MOCS2: variants seen among roughly 807,000 people sequenced by gnomAD.
The protein encoded by MOCS2 is molybdenum cofactor synthesis 2, also known as molybdopterin synthase catalytic subunit.
A neutral mutation model predicts 21.9 loss-of-function variants in MOCS2; 13 were observed. The ratio of observed to expected loss-of-function variants is 0.59; its 90% confidence interval spans 0.39 to 0.94. The LOEUF is 0.94. MOCS2 is among the 40% of genes least tolerant of loss of function. The pLI, the probability that MOCS2 is intolerant of heterozygous loss-of-function variation, is 0.00. For synonymous variants in MOCS2, 92 were observed against 80.8 expected, an observed-to-expected ratio of 1.14 and a Z score of -0.74; for missense variants, 227 against 218.3, an observed-to-expected ratio of 1.04 and a Z score of -0.25.
chr5:53,100,726 T>A (rs935229235), intron 5 of MOCS2, 192 bp from the exon 6 acceptor site: 1 of 585,912 alleles, frequency 1.7e-6, no homozygotes, highest in African/African-American at 1.9e-5. Context: ...TAGATGAGGC[T>A]GATGCTACAG....
chr5:53,104,219 C>T (rs1242092252), intron 3 of MOCS2, among the ~76,000 whole-genome samples: 3 of 152,228 alleles, frequency 2.0e-5, no homozygotes, highest in East Asian at 1.9e-4. Context: ...CTACACAAGC[C>T]GCCTAAGTGT....
chr5:53,097,252 G>T lies in MOCS2; in HGVS notation c.*1350C>A, dbSNP rs1740767113. On this transcript the variant is annotated 3_prime_UTR_variant, in exon 7 of 7. Coordinates refer to ENST00000396954, the MANE Select transcript of MOCS2 (RefSeq NM_004531.5). ...ACCAGGTGATTCCTAAAGTCAGTGT[G>T]GCTGTCCTATGGGTCCCAGCCACAG... The T allele has an allele frequency of 6.6e-6, 1 of 152,276 alleles. No individual in the cohort carries two copies. The highest frequency in any genetic ancestry group is 6.5e-5 in the Admixed American group (1 of 15,298). The allele number at this position is 152,276 out of a possible 1,614,324, so 9.4% of individuals were successfully genotyped here.
chr5:53,096,920 G>A lies in MOCS2; in HGVS notation c.*1682C>T, dbSNP rs1251228166. On this transcript the variant is annotated 3_prime_UTR_variant, in exon 7 of 7. Coordinates refer to ENST00000396954, the MANE Select transcript of MOCS2 (RefSeq NM_004531.5). ...AAATCCACATATACCTATCAACATT[G>A]CATATGACATAACATCCATTTAACA... 2.6e-5 allele frequency: 4 copies of A among 152,250 alleles called. No homozygotes were observed. Among genetic ancestry groups the A allele is most frequent in the African/African-American group, 9.6e-5 (4 of 41,536 alleles). The allele number at this position is 152,250 out of a possible 1,614,324, so 9.4% of individuals were successfully genotyped here.
At position 53,108,614 on chromosome 5, in the gene MOCS2, A is replaced by G. The variant is rs748961784; in HGVS notation, c.-140T>C. ...TCTCTGAACGAACTCCTGTTATTTCAGCACTTTTTGCAAAATACAATACTT... is the reference window on the plus strand; with the variant it reads ...TCTCTGAACGAACTCCTGTTATTTCGGCACTTTTTGCAAAATACAATACTT... On this transcript the variant is annotated 5_prime_UTR_variant, in exon 2 of 7. Transcript: ENST00000396954. 1.9e-6 allele frequency: 3 copies of G among 1,613,682 alleles called. No homozygotes were observed.
At chr5:53,106,081 G>A (rs1413387811) in intron 3 of MOCS2, among the ~76,000 whole-genome samples, 1 of 151,864 alleles carries the variant, frequency 6.6e-6, no homozygotes, top group African/African-American at 2.4e-5. Flanking sequence ...TGGCGAGGAC[G>A]TGAAGAAAAA....
chr5:53,101,312 T>C (rs1371253855), intron 5 of MOCS2, 47 bp downstream of exon 5: 2 of 1,557,302 alleles, frequency 1.3e-6, no homozygotes, highest in South Asian at 1.1e-5. Context: ...AGTACAAAGA[T>C]GGAAAACAAT....
intron 1 of MOCS2, 91 bp from the exon 2 acceptor site, chr5:53,108,734 C>G (rs767671634): frequency 7.6e-7 from 1 of 1,323,550 alleles, no homozygotes; most frequent in Non-Finnish European, 1.0e-6. Flanking sequence ...AAATGTATTG[C>G]TTTAATCAAA....
Position 53,109,515 on chromosome 5 carries a change from C to G in MOCS2, c.-434G>C. On this transcript the variant is annotated 5_prime_UTR_variant, in exon 1 of 7. Transcript: ENST00000396954. ...GGAGAGGACCCGACTTCTGCTGGGG[C>G]AGTCGCAGTAAAGCCCGGAGACAGG... 7.3e-7 allele frequency: 1 copy of G among 1,364,840 alleles called. No homozygotes were observed. Among genetic ancestry groups the G allele is most frequent in the Non-Finnish European group, 9.4e-7 (1 of 1,061,368 alleles). The allele number at this position is 1,364,840 out of a possible 1,614,324, so 84.5% of individuals were successfully genotyped here.
At position 53,096,279 on chromosome 5, in the gene MOCS2, AAAAT is replaced by A. The variant is rs1483996047; in HGVS notation, c.*2319_*2322del. Reference sequence around the variant, plus strand: ...CTCTATACATCATATCCAAAGGACAAAAATGTCCACAAAATAAGTCACTCATTGA... The same window carrying A: ...CTCTATACATCATATCCAAAGGACAAGTCCACAAAATAAGTCACTCATTGA... On this transcript the variant is annotated 3_prime_UTR_variant, in exon 7 of 7. Coordinates refer to ENST00000396954, the MANE Select transcript of MOCS2 (RefSeq NM_004531.5). The A allele has an allele frequency of 3.9e-5, 6 of 152,258 alleles. No individual in the cohort carries two copies. Among genetic ancestry groups the A allele is most frequent in the African/African-American group, 1.4e-4 (6 of 41,460 alleles). 9.4% of individuals were successfully genotyped at this position (152,258 alleles called of 1,614,324 possible). A position where few individuals can be genotyped will look rare whatever the true frequency, so the allele number is the denominator to read the frequency against.
In MOCS2 at chr5:53,109,718, C is replaced by T; in HGVS notation, c.-637G>A. On this transcript the variant is annotated 5_prime_UTR_variant, in exon 1 of 7. It adds an upstream start codon to the 5' untranslated region. Coordinates refer to ENST00000396954, the MANE Select transcript of MOCS2 (RefSeq NM_004531.5). The stretch of plus-strand genomic sequence containing the variant: ...GCACACCCGCCACCCTTACCTGGCA[C>T]AGCGGCACCATCCCGCCTAGGACAG... The T allele has an allele frequency of 6.4e-7, 1 of 1,552,440 alleles. No homozygotes were observed. Among genetic ancestry groups the T allele is most frequent in the Non-Finnish European group, 8.7e-7 (1 of 1,147,976 alleles).
chr5:53,101,492 A>C lies in MOCS2; in HGVS notation c.244T>G (p.Phe82Val), dbSNP rs1579932680. 6.2e-7 allele frequency: 1 copy of C among 1,606,920 alleles called. No individual in the cohort carries two copies. Among genetic ancestry groups the C allele is most frequent in the East Asian group, 2.2e-5 (1 of 44,774 alleles). ...AAGCTAATGACTTTTTTCCCTTCAA[A>C]GTTATTTCTTGTAGTCCCTTTAAAA... ...SLFVGTTRNN[F>V]EGKKVISLEY... is the part of the protein sequence containing the mutation. Residue 82 changes from phenylalanine (F) to valine (V), a missense_variant, in exon 5 of 7, where the codon TTT becomes GTT. Coordinates refer to ENST00000396954, the MANE Select transcript of MOCS2 (RefSeq NM_004531.5).
In MOCS2 at chr5:53,101,446, G is replaced by A. The variant is rs757573455; in HGVS notation, c.290C>T (p.Pro97Leu). 6.2e-7 allele frequency: 1 copy of A among 1,612,530 alleles called. No individual in the cohort carries two copies. The highest frequency in any genetic ancestry group is 2.2e-5 in the East Asian group (1 of 44,832). Reference sequence around the variant, plus strand: ...CTTTCTGACTTCATTTTCCGCCATGGGTAGATATGCTTCATATTCTAAGCT... The same window carrying A: ...CTTTCTGACTTCATTTTCCGCCATGAGTAGATATGCTTCATATTCTAAGCT... ...VISLEYEAYL[P>L]MAENEVRKIC... Residue 97 changes from proline to leucine, a missense_variant, in exon 5 of 7, where the codon CCC (proline) becomes CTC (leucine). Pro to Leu is a moderately conservative substitution (Grantham distance 98). Coordinates refer to ENST00000396954, the MANE Select transcript of MOCS2 (RefSeq NM_004531.5).
At position 53,101,439 on chromosome 5, in the gene MOCS2, C is replaced by T. The variant is rs773762929; in HGVS notation, c.297G>A (p.Ala99=). The change falls in exon 5 of 7, where the codon GCG becomes GCA. Residue 99 remains alanine, a synonymous_variant. Transcript: ENST00000396954. Reference sequence around the variant, plus strand: ...TACAAATCTTTCTGACTTCATTTTCCGCCATGGGTAGATATGCTTCATATT... The same window carrying T: ...TACAAATCTTTCTGACTTCATTTTCTGCCATGGGTAGATATGCTTCATATT... ...SLEYEAYLPM[A]ENEVRKICSD... The T allele has an allele frequency of 1.8e-5, 29 of 1,613,096 alleles. No individual in the cohort carries two copies. The highest frequency in any genetic ancestry group is 4.5e-5 in the East Asian group (2 of 44,854).
Position 53,096,258 on chromosome 5 carries a change from ATAC to A in MOCS2, c.*2341_*2343del, listed in dbSNP as rs1740728648. On this transcript the variant is annotated 3_prime_UTR_variant, in exon 7 of 7. Transcript: ENST00000396954. Reference sequence around the variant, plus strand: ...AAGGCTGAAAATATATTGTGACTCTATACATCATATCCAAAGGACAAAAATGTC... The same window carrying A: ...AAGGCTGAAAATATATTGTGACTCTAATCATATCCAAAGGACAAAAATGTC... 6.6e-6 allele frequency: 1 copy of A among 152,222 alleles called. No homozygotes were observed. The highest frequency in any genetic ancestry group is 1.5e-5 in the Non-Finnish European group (1 of 68,034). The allele number at this position is 152,222 out of a possible 1,614,324, so 9.4% of individuals were successfully genotyped here.
chr5:53,105,085 A>C (rs1007807996), intron 3 of MOCS2, among the ~76,000 whole-genome samples: 3 of 152,186 alleles, frequency 2.0e-5, no homozygotes, highest in African/African-American at 7.2e-5. Flanking sequence ...CAGCCATAAC[A>C]ATAAAGCTAT....
intron 4 of MOCS2, 127 bp from the exon 5 acceptor site, chr5:53,101,636 A>G (rs998563536): frequency 1.4e-6 from 1 of 734,736 alleles, no homozygotes; most frequent in African/African-American, 1.8e-5. Context: ...CAGCATACCA[A>G]TTCTTCTAAA....
intron 1 of MOCS2, 95 bp from the exon 2 acceptor site, chr5:53,108,738 A>T: frequency 8.1e-7 from 1 of 1,240,874 alleles, no homozygotes. Flanking sequence ...GTATTGCTTT[A>T]ATCAAAGACA....
intron 5 of MOCS2, 135 bp from the exon 6 acceptor site, chr5:53,100,669 ACAG>A: frequency 3.3e-6 from 3 of 917,528 alleles, no homozygotes; most frequent in Non-Finnish European, 5.0e-6. Context: ...ACGTAAACAT[ACAG>A]TTAGAAAAGA....
At chr5:53,099,252 G>A (rs1436817280) in intron 6 of MOCS2, among the ~76,000 whole-genome samples, 7 of 152,106 alleles carry the variant, frequency 4.6e-5, no homozygotes, top group Non-Finnish European at 7.4e-5. Context: ...AGCAAAATAC[G>A]AAGCCCAACT....
Sources: gnomAD v4.1 joint callset for allele counts (sites outside exome capture counted in the v4.1 genomes callset) on GRCh38, gnomAD v4.1.1 for gene constraint, MANE v1.5 for transcripts, NCBI Gene and HGNC (gene_info 2026-07-23, HGNC 2026-07-21) for gene names.